SFTPB: variants seen among roughly 807,000 people sequenced by gnomAD.
SFTPB encodes the protein surfactant protein B, also known as pulmonary surfactant-associated protein B.
SFTPB carries 32 observed loss-of-function variants against 51.0 expected under a neutral mutation model. The observed-to-expected ratio is 0.63, with a 90% confidence interval of 0.47 to 0.84. The LOEUF is 0.84. SFTPB is among the 40% of genes least tolerant of loss of function. SFTPB has a pLI of 0.00. For missense variants in SFTPB, 431 were observed against 491.2 expected (o/e 0.88, Z 1.16); for synonymous variants, 211 against 208.5 (o/e 1.01, Z -0.10).
At position 85,662,147 on chromosome 2, in the gene SFTPB, GCAGGACTC is replaced by G. The variant is rs560946240; in HGVS notation, c.1003-46_1003-39del. 5.1e-5 allele frequency: 80 copies of G among 1,577,662 alleles called. 1 individual carries two copies. The African/African-American group carries it at 8.4e-4, about 17-fold the overall frequency. ...ACACACAGCTGTGGAGGGTCCCTTT[GCAGGACTC>G]TCCTGTCGTGTGGTCCTGGCCTCTC... On this transcript the variant is annotated intron_variant, in intron 8 of 10. Transcript: ENST00000519937.
chr2:85,666,946 A>G (rs1573478990), intron 3 of SFTPB, among the ~76,000 whole-genome samples, 160 bp downstream of exon 3: 1 of 152,090 alleles, frequency 6.6e-6, no homozygotes, highest in Non-Finnish European at 1.5e-5. Context: ...TATTGAGCTC[A>G]GGGCCATGAC....
At chr2:85,666,992 C>T (rs767803445) in intron 3 of SFTPB, 114 bp downstream of exon 3, 2 of 1,040,184 alleles carry the variant, frequency 1.9e-6, no homozygotes, top group Non-Finnish European at 3.0e-6. Context: ...ACTTCCCAGG[C>T]ACCCAGGCCT....
intron 8 of SFTPB, 124 bp downstream of exon 8, chr2:85,663,222 T>C: frequency 7.6e-7 from 1 of 1,321,992 alleles, no homozygotes; most frequent in South Asian, 1.2e-5. Context: ...CCCCACATCC[T>C]GTCTGCCTGT....
rs763238120 is a variant in SFTPB at position 85,667,799 on chromosome 2, C to T, written c.75G>A (p.Trp25Ter). The T allele has an allele frequency of 1.2e-6, 2 of 1,614,268 alleles. No homozygotes were observed. The highest frequency in any genetic ancestry group is 2.2e-5 in the South Asian group (2 of 91,088). ...GGGCACAGGCCAAGGATGAGGTGGTCCAGGCAGCTGTGGTTTGGGGCCAGA... is the reference window on the plus strand; with the variant it reads ...GGGCACAGGCCAAGGATGAGGTGGTTCAGGCAGCTGTGGTTTGGGGCCAGA... ...PTLCGPGTAAWTTSSLACAQG... is the reference protein window; with the variant it reads ...PTLCGPGTAA Residue 25 changes from tryptophan to a stop codon, truncating the protein, a stop_gained, in exon 2 of 11, where the codon TGG becomes TGA. Coordinates refer to ENST00000519937, the MANE Select transcript of SFTPB (RefSeq NM_000542.5). LOFTEE classifies it high-confidence loss of function.
chr2:85,663,681 T>C lies in SFTPB; in HGVS notation c.839A>G (p.Asp280Gly), dbSNP rs756396147. 1.1e-5 allele frequency: 17 copies of C among 1,612,298 alleles called. No homozygotes were observed. The East Asian group carries it at 3.1e-4, about 30-fold the overall frequency. ...GGGCTCACTTGGGCCAGCGCTGTCATCCATGGAGCACCGGAGGACGAGGCG... is the reference window on the plus strand; with the variant it reads ...GGGCTCACTTGGGCCAGCGCTGTCACCCATGGAGCACCGGAGGACGAGGCG... ...VCRLVLRCSM[D>G]DSAGPRSPTG... The change falls in exon 7 of 11, where the codon GAT becomes GGT. Residue 280 changes from aspartate (D) to glycine (G), a missense_variant. Physicochemically the swap from Asp to Gly is moderately conservative, Grantham distance 94 (BLOSUM62 -1). Transcript: ENST00000519937.
rs751142438 is a variant in SFTPB at position 85,666,571 on chromosome 2, G to A, written c.393+46C>T. The A allele has an allele frequency of 1.1e-5, 18 of 1,605,058 alleles. 1 individual carries two copies. In the South Asian group the frequency reaches 1.9e-4, roughly 17 times the overall value. The stretch of plus-strand genomic sequence containing the variant: ...TGTGGCTCCCCATGGGTGGGCACAG[G>A]GGCCTGCGTGGGGAGGCAGGCAGGA... On this transcript the variant is annotated intron_variant, in intron 4 of 10. Coordinates refer to ENST00000519937, the MANE Select transcript of SFTPB (RefSeq NM_000542.5).
chr2:85,668,325 C>G, upstream of SFTPB: 1 of 770,278 alleles, frequency 1.3e-6, no homozygotes, highest in East Asian at 2.7e-5. Context: ...CCCACCTTTT[C>G]CCAGCAGGAA....
intron 8 of SFTPB, chr2:85,662,375 C>T (rs1677351201): frequency 9.3e-7 from 1 of 1,077,700 alleles, no homozygotes; most frequent in Non-Finnish European, 1.2e-6. Context: ...TCCCCTCCCT[C>T]CACCTCCATT....
rs753120082 is a variant in SFTPB at position 85,663,844 on chromosome 2, C to A, written c.676G>T (p.Ala226Ser). ...ACCTGGGCCACTGCCACAGCTAGCGCACCCTGGGGCGGGGGCGGAGAGAGG... is the reference window on the plus strand; with the variant it reads ...ACCTGGGCCACTGCCACAGCTAGCGAACCCTGGGGCGGGGGCGGAGAGAGG... Reference protein sequence around the residue: ...KRIQAMIPKGALAVAVAQVCR... With the variant: ...KRIQAMIPKGSLAVAVAQVCR... The change falls in exon 7 of 11, where the codon GCG becomes TCG. Residue 226 changes from alanine to serine, a missense_variant. Ala to Ser is a moderately conservative substitution (Grantham distance 99). Transcript: ENST00000519937. 1 of 1,582,258 alleles carries A rather than the reference C, an allele frequency of 6.3e-7. No homozygotes were observed. Among genetic ancestry groups the A allele is most frequent in the South Asian group, 1.1e-5 (1 of 87,694 alleles).
At chr2:85,662,480 G>A (rs1677358417) in intron 8 of SFTPB, among the ~76,000 whole-genome samples, 1 of 152,212 alleles carries the variant, frequency 6.6e-6, no homozygotes. Context: ...AGGGAGCACA[G>A]TGTGGACAGC....
Position 85,663,435 on chromosome 2 carries a change from C to T in SFTPB, c.913G>A (p.Val305Met), listed in dbSNP as rs765720471. Residue 305 changes from valine to methionine, a missense_variant, in exon 8 of 11, where the codon GTG (valine) becomes ATG (methionine). Physicochemically the swap from Val to Met is conservative, Grantham distance 21. Coordinates refer to ENST00000519937, the MANE Select transcript of SFTPB (RefSeq NM_000542.5). ...RDSECHLCMS[V>M]TTQAGNSSEQ... ...CTGCTGTTCCCGGCCTGGGTGGTCA[C>T]GGACATGCAGAGGTGGCACTCAGAG... 1.2e-4 allele frequency: 192 copies of T among 1,613,844 alleles called. No homozygotes were observed. Among genetic ancestry groups the T allele is most frequent in the Non-Finnish European group, 1.5e-4 (177 of 1,180,032 alleles).
chr2:85,661,548 C>T lies in SFTPB; in HGVS notation c.1084-13G>A, dbSNP rs747700146. 40 of 1,608,358 alleles carry T rather than the reference C, an allele frequency of 2.5e-5. 1 individual carries two copies. The South Asian group carries it at 4.3e-4, about 17-fold the overall frequency. On this transcript the variant is annotated splice_polypyrimidine_tract_variant and intron_variant, in intron 9 of 10. Transcript: ENST00000519937. ...ACACCCCGAGGGCCTGTCACAGGGA[C>T]AGCACCAGGGCTGAGGCCTGGGCCC...
Position 85,662,940 on chromosome 2 carries a change from A to G in SFTPB, c.1002+406T>C, listed in dbSNP as rs1044014060. Among the ~76,000 whole-genome samples the G allele has an allele frequency of 5.3e-5, 8 of 151,998 alleles. No individual in the cohort carries two copies. In the South Asian group the frequency reaches 6.2e-4, roughly 12 times the overall value. On this transcript the variant is annotated intron_variant, in intron 8 of 10. Coordinates refer to ENST00000519937, the MANE Select transcript of SFTPB (RefSeq NM_000542.5). ...CAAGTCCAGCCCTCTCCTTTTGCCA[A>G]TGGGTTTGTCCTGAGTGAGTCACAC...
chr2:85,660,944 G>A lies in SFTPB; in HGVS notation c.*19+510C>T, dbSNP rs906756029. 3.3e-5 allele frequency among the ~76,000 whole-genome samples: 5 copies of A among 152,092 alleles called. No homozygotes were observed. The East Asian group carries it at 9.6e-4, about 29-fold the overall frequency. On this transcript the variant is annotated intron_variant, in intron 10 of 10. Coordinates refer to ENST00000519937, the MANE Select transcript of SFTPB (RefSeq NM_000542.5). ...GTTCACAGAGGCTGCATCTGGCCTC[G>A]CCTCCACCCCTCCATCCTAAGGTGC...
rs143687195 is a variant in SFTPB at position 85,662,102 on chromosome 2, T to A, written c.1010A>T (p.Gln337Leu). ...GSWLDREKCK[Q>L]FVEQHTPQLL... ...CTGGGGCGTGTGCTGCTCCACAAAT[T>A]GCTTGCACTGAGGAAGGAGACACAC... Residue 337 changes from glutamine to leucine, a missense_variant, in exon 9 of 11, where the codon CAA becomes CTA. By Grantham distance (113) the Gln-to-Leu change is moderately radical. Coordinates refer to ENST00000519937, the MANE Select transcript of SFTPB (RefSeq NM_000542.5). 187 of 1,600,776 alleles carry A rather than the reference T, an allele frequency of 1.2e-4. No individual in the cohort carries two copies. Among genetic ancestry groups the A allele is most frequent in the Non-Finnish European group, 1.5e-4 (179 of 1,175,136 alleles).
intron 4 of SFTPB, among the ~76,000 whole-genome samples, chr2:85,666,217 G>GTGTT (rs1558576922): frequency 1.3e-5 from 1 of 76,666 alleles, no homozygotes; most frequent in Non-Finnish European, 2.5e-5. Context: ...TGTGTGTGCT[G>GTGTT]TGTGTGTGTG....
At position 85,666,493 on chromosome 2, in the gene SFTPB, C is replaced by CTGTG. The variant is rs59023726; in HGVS notation, c.393+120_393+123dup. Reference sequence around the variant, plus strand: ...TGTTTGTGTCTGGCCGGCTTGGGTGCTGTGTGTGTGTGTGTGTGTGTGTGT... The same window carrying CTGTG: ...TGTTTGTGTCTGGCCGGCTTGGGTGCTGTGTGTGTGTGTGTGTGTGTGTGTGTGT... On this transcript the variant is annotated intron_variant, in intron 4 of 10. Coordinates refer to ENST00000519937, the MANE Select transcript of SFTPB (RefSeq NM_000542.5). 3,292 of 739,136 alleles carry CTGTG rather than the reference C, an allele frequency of 4.5e-3. 24 individuals carry two copies. The highest frequency in any genetic ancestry group is 0.028 in the African/African-American group (1,243 of 45,070). The allele number at this position is 739,136 out of a possible 1,614,324, so 45.8% of individuals were successfully genotyped here. A position where few individuals can be genotyped will look rare whatever the true frequency, so the allele number is the denominator to read the frequency against.
chr2:85,664,995 T>C (rs1298091571), intron 6 of SFTPB, among the ~76,000 whole-genome samples: 4 of 152,212 alleles, frequency 2.6e-5, no homozygotes, highest in African/African-American at 9.6e-5. Flanking sequence ...GGTGAGCTGC[T>C]GGAGGACAAA....
At position 85,659,107 on chromosome 2, in the gene SFTPB, C is replaced by T. The variant is rs572397585; in HGVS notation, c.*595G>A. 2.8e-4 allele frequency: 43 copies of T among 152,206 alleles called. No individual in the cohort carries two copies. Among genetic ancestry groups the T allele is most frequent in the African/African-American group, 9.4e-4 (39 of 41,526 alleles). The allele number at this position is 152,206 out of a possible 1,614,324, so 9.4% of individuals were successfully genotyped here. ...GAGCATCTCGAGGAAGAAAGCTTGC[C>T]CGGTCGCCATCCCATCATGCCAGAG... On this transcript the variant is annotated 3_prime_UTR_variant, in exon 11 of 11. Coordinates refer to ENST00000519937, the MANE Select transcript of SFTPB (RefSeq NM_000542.5).
Sources: gnomAD v4.1 joint callset for allele counts (sites outside exome capture counted in the v4.1 genomes callset) on GRCh38, gnomAD v4.1.1 for gene constraint, MANE v1.5 for transcripts, NCBI Gene and HGNC (gene_info 2026-07-23, HGNC 2026-07-21) for gene names.